Variants in NUBPL observed in about 807,000 individuals in gnomAD.
The protein encoded by NUBPL is NUBP iron-sulfur cluster assembly factor, mitochondrial, also known as iron-sulfur cluster transfer protein NUBPL.
NUBPL carries 31 observed loss-of-function variants against 45.7 expected under a neutral mutation model. The ratio of observed to expected loss-of-function variants is 0.68; its 90% confidence interval spans 0.51 to 0.92. The LOEUF is 0.92. Ranked by LOEUF, NUBPL falls within the 40% of genes least tolerant of loss-of-function variation. The pLI is 0.00. For missense variants in NUBPL, 401 were observed against 398.7 expected, an observed-to-expected ratio of 1.01 and a Z score of -0.05; for synonymous variants, 144 against 140.9, an observed-to-expected ratio of 1.02 and a Z score of -0.15.
At chr14:31,745,563 G>GGATTAGAGGTGTGAGCCACCGCA (rs2038380577) in intron 6 of NUBPL, among the ~76,000 whole-genome samples, 8 of 152,094 alleles carry the variant, frequency 5.3e-5, no homozygotes, top group African/African-American at 1.7e-4. Flanking sequence ...CAAAGTGCTG[G>GGATTAGAGGTGTGAGCCACCGCA]TGTTGATTTC....
At chr14:31,696,187 T>A (rs1359038165) in intron 6 of NUBPL, among the ~76,000 whole-genome samples, 1 of 152,228 alleles carries the variant, frequency 6.6e-6, no homozygotes, top group Non-Finnish European at 1.5e-5. Context: ...GATCTCCTGC[T>A]GCAGCCTTCT....
chr14:31,769,827 A>G (rs1040711666), intron 6 of NUBPL, among the ~76,000 whole-genome samples: 2 of 152,106 alleles, frequency 1.3e-5, no homozygotes, highest in Non-Finnish European at 1.5e-5. Flanking sequence ...TACCTAATCT[A>G]AAATAGTTTA....
intron 6 of NUBPL, among the ~76,000 whole-genome samples, chr14:31,780,420 A>C (rs1436406211): frequency 6.6e-6 from 1 of 152,118 alleles, no homozygotes; most frequent in Non-Finnish European, 1.5e-5. Context: ...AAGAATACTC[A>C]TTAATGGTTT....
At chr14:31,739,976 T>C (rs1037380797) in intron 6 of NUBPL, among the ~76,000 whole-genome samples, 1 of 152,212 alleles carries the variant, frequency 6.6e-6, no homozygotes, top group Non-Finnish European at 1.5e-5. Flanking sequence ...CATGTCTTTT[T>C]GTGACCTTAT....
chr14:31,769,483 T>C (rs148910768), intron 6 of NUBPL, among the ~76,000 whole-genome samples: 229 of 152,304 alleles, frequency 1.5e-3, no homozygotes, highest in Middle Eastern at 0.014. Flanking sequence ...TAGAATGAGA[T>C]GTGTTGGATG....
At chr14:31,742,173 A>T (rs1005741774) in intron 6 of NUBPL, among the ~76,000 whole-genome samples, 1 of 151,986 alleles carries the variant, frequency 6.6e-6, no homozygotes, top group Non-Finnish European at 1.5e-5. Flanking sequence ...CATGGCAGAC[A>T]GAGATACTGT....
In NUBPL at chr14:31,704,043, C is replaced by T. The variant is rs186507424; in HGVS notation, c.513+30469C>T. Among the ~76,000 whole-genome samples the T allele has an allele frequency of 2.7e-3, 414 of 152,316 alleles. 2 individuals carry two copies. The highest frequency in any genetic ancestry group is 9.7e-3 in the African/African-American group (402 of 41,566). On this transcript the variant is annotated intron_variant, in intron 6 of 10. Transcript: ENST00000281081. ...GTCTAACTACCTGTAACATTTCCCTCCTCAAGAGCCCAAGACCACAAATCT... is the reference window on the plus strand; with the variant it reads ...GTCTAACTACCTGTAACATTTCCCTTCTCAAGAGCCCAAGACCACAAATCT...
chr14:31,642,519 T>TTC (rs2139704676), intron 4 of NUBPL, among the ~76,000 whole-genome samples: 1 of 152,158 alleles, frequency 6.6e-6, no homozygotes, highest in Non-Finnish European at 1.5e-5. Context: ...TATTTATGTG[T>TTC]TCTCTATTCT....
chr14:31,683,136 C>G (rs532937864), intron 6 of NUBPL, among the ~76,000 whole-genome samples: 2 of 151,332 alleles, frequency 1.3e-5, no homozygotes, highest in South Asian at 4.2e-4. Context: ...ACCCAAGAAC[C>G]TCCCACTAGA....
chr14:31,656,339 G>A (rs756468358), intron 4 of NUBPL, among the ~76,000 whole-genome samples: 31 of 152,040 alleles, frequency 2.0e-4, no homozygotes, highest in Non-Finnish European at 3.4e-4. Flanking sequence ...AGCACTTTTA[G>A]TTTCTTACAA....
rs1429116011 is a variant in NUBPL at position 31,573,511 on chromosome 14, C to T, written c.291+8463C>T. Among the ~76,000 whole-genome samples, 3 of 152,170 alleles carry T rather than the reference C, an allele frequency of 2.0e-5. 1 individual carries two copies. Among genetic ancestry groups the T allele is most frequent in the Non-Finnish European group, 4.4e-5 (3 of 68,026 alleles). On this transcript the variant is annotated intron_variant, in intron 3 of 10. Coordinates refer to ENST00000281081, the MANE Select transcript of NUBPL (RefSeq NM_025152.3). ...GCATGTGTAAAACCAAACTCTTCAT[C>T]CCTGTGACTGTCTTTGTCTCATGGA...
intron 7 of NUBPL, among the ~76,000 whole-genome samples, chr14:31,792,689 TAAAC>T (rs1334064190): frequency 2.0e-5 from 3 of 151,486 alleles, no homozygotes; most frequent in African/African-American, 4.9e-5. Flanking sequence ...GAAATGCAGA[TAAAC>T]AAAAAAAGAA....
intron 6 of NUBPL, among the ~76,000 whole-genome samples, chr14:31,683,055 A>G (rs2036869030): frequency 6.7e-6 from 1 of 149,038 alleles, no homozygotes; most frequent in African/African-American, 2.5e-5. Context: ...CTCTTGTAGA[A>G]ACTAATAGAG....
chr14:31,850,090 T>C, intron 9 of NUBPL, 29 bp from the exon 10 acceptor site: 1 of 1,565,658 alleles, frequency 6.4e-7, no homozygotes. Context: ...CTTTTCTGGT[T>C]CTAATGGATG....
At chr14:31,833,137 G>T (rs926814303) in intron 8 of NUBPL, among the ~76,000 whole-genome samples, 2 of 152,144 alleles carry the variant, frequency 1.3e-5, no homozygotes, top group Non-Finnish European at 2.9e-5. Flanking sequence ...TGAGGCCGAG[G>T]CAGGAGTACT....
intron 6 of NUBPL, among the ~76,000 whole-genome samples, chr14:31,708,805 G>A (rs1467147281): frequency 6.6e-6 from 1 of 152,128 alleles, no homozygotes; most frequent in Non-Finnish European, 1.5e-5. Flanking sequence ...TCTGGTTGGG[G>A]GCCTCTGACC....
At chr14:31,639,896 G>A (rs975671500) in intron 4 of NUBPL, among the ~76,000 whole-genome samples, 6 of 152,122 alleles carry the variant, frequency 3.9e-5, no homozygotes, top group African/African-American at 4.8e-5. Context: ...ATCCAGGTGC[G>A]GGATATAATC....
At chr14:31,596,882 C>G (rs1307790642) in intron 3 of NUBPL, among the ~76,000 whole-genome samples, 1 of 152,094 alleles carries the variant, frequency 6.6e-6, no homozygotes, top group African/African-American at 2.4e-5. Flanking sequence ...TAGCTAACTG[C>G]CCAGTACCCA....
At chr14:31,714,099 G>T (rs1003599277) in intron 6 of NUBPL, among the ~76,000 whole-genome samples, 1 of 152,170 alleles carries the variant, frequency 6.6e-6, no homozygotes, top group Non-Finnish European at 1.5e-5. Context: ...GCTGAGTGTG[G>T]CCATGTGAAC....
Sources: allele counts gnomAD v4.1 joint callset (sites outside exome capture counted in the v4.1 genomes callset), GRCh38; gene constraint gnomAD v4.1.1; transcripts MANE v1.5; gene names NCBI Gene and HGNC (gene_info 2026-07-23, HGNC 2026-07-21).